Variants in FCRLA observed in about 807,000 individuals in gnomAD.
FCRLA encodes the protein Fc receptor-like A.
FCRLA carries 26 observed loss-of-function variants against 28.4 expected under a neutral mutation model. The ratio of observed to expected loss-of-function variants is 0.91; its 90% CI spans 0.67 to 1.27. FCRLA has a LOEUF of 1.27. Among genes scored for constraint, FCRLA ranks in the 50% most tolerant of loss-of-function variants. The pLI, the probability that FCRLA is intolerant of heterozygous loss-of-function variation, is 0.00. For missense variants in FCRLA, 422 were observed against 433.1 expected (o/e 0.97, Z 0.23); for synonymous variants, 174 against 168.5 (o/e 1.03, Z -0.25).
intron 1 of FCRLA, among the ~76,000 whole-genome samples, chr1:161,709,736 G>A (rs1311313882): frequency 6.6e-6 from 1 of 152,114 alleles, no homozygotes; most frequent in Admixed American, 6.5e-5. Context: ...TGGAGGAGGG[G>A]GAGAATAGTT....
chr1:161,711,591 G>C, intron 3 of FCRLA, 117 bp downstream of exon 3: 1 of 1,338,032 alleles, frequency 7.5e-7, no homozygotes. Context: ...GGAGCAGGTT[G>C]CTGGCAAATG....
chr1:161,710,662 TA>T, intron 1 of FCRLA, 97 bp from the exon 2 acceptor site: 1 of 1,527,290 alleles, frequency 6.5e-7, no homozygotes, highest in Admixed American at 1.7e-5. Flanking sequence ...AGTCTCATTC[TA>T]AAAAGGATGA....
chr1:161,711,864 T>C (rs1683117254), intron 3 of FCRLA, 70 bp from the exon 4 acceptor site: 1 of 1,509,576 alleles, frequency 6.6e-7, no homozygotes, highest in African/African-American at 1.4e-5. Context: ...TCCCCAAGTC[T>C]CTTCACCTGC....
In FCRLA at chr1:161,713,481, T is replaced by C; in HGVS notation, c.*101T>C. 1 of 969,966 alleles carries C rather than the reference T, an allele frequency of 1.0e-6. No homozygotes were observed. 60.1% of individuals were successfully genotyped at this position (969,966 alleles called of 1,614,324 possible). ...ACATATGCATAAGTACTTTTACAAG[T>C]TGTCCCAGTGTTTTGTTAGAATAAT... On this transcript the variant is annotated 3_prime_UTR_variant, in exon 5 of 5. Coordinates refer to ENST00000236938, the MANE Select transcript of FCRLA (RefSeq NM_032738.4).
chr1:161,711,529 G>A (rs1456135246), intron 3 of FCRLA, 55 bp downstream of exon 3: 4 of 1,554,708 alleles, frequency 2.6e-6, no homozygotes, highest in East Asian at 2.3e-5. Flanking sequence ...GAGACAGGGA[G>A]CCCAAATTGT....
At chr1:161,710,441 T>C in intron 1 of FCRLA, 2 of 1,548,822 alleles carry the variant, frequency 1.3e-6, no homozygotes, top group Non-Finnish European at 1.7e-6. Flanking sequence ...TGCTTCGAGT[T>C]ACCATTGTCT....
At position 161,713,718 on chromosome 1, in the gene FCRLA, A is replaced by G. The variant is rs960243373; in HGVS notation, c.*338A>G. On this transcript the variant is annotated 3_prime_UTR_variant, in exon 5 of 5. Transcript: ENST00000236938. ...GGGGCAATTTTGCCCCCCAGAGGAC[A>G]TTGGGCAATGTTTGGAGACATTTTG... 1 of 191,176 alleles carries G rather than the reference A, an allele frequency of 5.2e-6. No homozygotes were observed. The highest frequency in any genetic ancestry group is 1.2e-4 in the South Asian group (1 of 8,218). 11.8% of individuals were successfully genotyped at this position (191,176 alleles called of 1,614,324 possible). A position where few individuals can be genotyped will look rare whatever the true frequency, so the allele number is the denominator to read the frequency against.
At chr1:161,707,891 G>A (rs1003793209) in intron 1 of FCRLA, among the ~76,000 whole-genome samples, 2 of 152,036 alleles carry the variant, frequency 1.3e-5, no homozygotes, top group East Asian at 1.9e-4. Flanking sequence ...TCCCTTAATA[G>A]CTTCTCTTCT....
At chr1:161,711,633 C>T (rs2101659090) in intron 3 of FCRLA, 159 bp downstream of exon 3, 1 of 954,450 alleles carries the variant, frequency 1.0e-6, no homozygotes, top group Middle Eastern at 3.2e-4. Context: ...GACGAGACCT[C>T]AGCCTTTTGA....
chr1:161,710,395 C>A, intron 1 of FCRLA: 2 of 1,334,798 alleles, frequency 1.5e-6, no homozygotes, highest in African/African-American at 2.9e-5. Flanking sequence ...ACATTAGAAT[C>A]TGATGTCTCC....
rs756926636 is a variant in FCRLA at position 161,712,217 on chromosome 1, G to C, written c.783G>C (p.Gln261His). The C allele has an allele frequency of 2.5e-6, 4 of 1,610,300 alleles. No individual in the cohort carries two copies. Among genetic ancestry groups the C allele is most frequent in the African/African-American group, 2.7e-5 (2 of 74,864 alleles). Residue 261 changes from glutamine (Q) to histidine (H), a missense_variant and splice_region_variant, in exon 4 of 5, where the codon CAG becomes CAC. By Grantham distance (24) the Gln-to-His change is conservative. Around this residue, in one of 3 missense-constraint regions of FCRLA, gnomAD observed 185 missense variants for 198.1 expected, o/e 0.93. Transcript: ENST00000236938. ...GCCCCCAGCTAGAGATCAGAGTGCAGGGTGAGTTCGCATCAGAGTGCAGGT... is the reference window on the plus strand; with the variant it reads ...GCCCCCAGCTAGAGATCAGAGTGCACGGTGAGTTCGCATCAGAGTGCAGGT... ...KQSPQLEIRVQGASSSAAPPT... is the reference protein window; with the variant it reads ...KQSPQLEIRVHGASSSAAPPT...
chr1:161,710,728 T>A (rs61801161), intron 1 of FCRLA, 32 bp from the exon 2 acceptor site: 90,829 of 1,613,740 alleles, frequency 0.056, 2,728 homozygotes, highest in African/African-American at 0.066. Context: ...CATCATCATT[T>A]TCTGGTTCTC....
rs746570469 is a variant in FCRLA at position 161,710,711 on chromosome 1, C to G, written c.80-49C>G. On this transcript the variant is annotated intron_variant, in intron 1 of 4. Transcript: ENST00000236938. ...ATGGAGGAACCCTGTCCTCTTTCTC[C>G]AAGTTGCATCATCATTTTCTGGTTC... 1.9e-5 allele frequency: 31 copies of G among 1,611,236 alleles called. No individual in the cohort carries two copies. In the Middle Eastern group the frequency reaches 6.6e-4, roughly 34 times the overall value.
Position 161,713,240 on chromosome 1 carries a change from G to C in FCRLA, c.940G>C (p.Asp314His). 1 of 1,614,250 alleles carries C rather than the reference G, an allele frequency of 6.2e-7. No homozygotes were observed. Among genetic ancestry groups the C allele is most frequent in the Non-Finnish European group, 8.5e-7 (1 of 1,180,044 alleles). ...PGFSSPLGMP[D>H]PHLYHQMGLL... ...CTTTTCTTCTCCTCTGGGGATGCCA[G>C]ATCCTCATCTGTATCACCAGATGGG... Residue 314 changes from aspartate to histidine, a missense_variant, in exon 5 of 5, where the codon GAT becomes CAT. Physicochemically the swap from Asp to His is moderately conservative, Grantham distance 81. Around this residue, in one of 3 missense-constraint regions of FCRLA, gnomAD observed 185 missense variants for 198.1 expected, o/e 0.93. Transcript: ENST00000236938.
rs779408678 is a variant in FCRLA, at chr1:161,711,255, C to G, written c.280C>G (p.Leu94Val). ...AGCCAAGCCAGTTTTTGAAGGGGAC[C>G]TGCTGGTTCTGCGCTGCCAGGCCTG... is the stretch of plus-strand genomic sequence containing the variant. The part of the protein sequence containing the change: ...GPAKPVFEGD[L>V]LVLRCQAWQD... Residue 94 changes from leucine to valine, a missense_variant, in exon 3 of 5, where the codon CTG becomes GTG. By Grantham distance (32) the Leu-to-Val change is conservative. This residue lies in a region of FCRLA where 231 missense variants were observed against 214.6 expected (regional missense o/e 1.08). Transcript: ENST00000236938. 6.2e-7 allele frequency: 1 copy of G among 1,614,178 alleles called. No individual in the cohort carries two copies. The highest frequency in any genetic ancestry group is 8.5e-7 in the Non-Finnish European group (1 of 1,180,024).
rs376042352 is a variant in FCRLA, at chr1:161,711,262, T to C, written c.287T>C (p.Val96Ala). The change falls in exon 3 of 5, where the codon GTT becomes GCT. Residue 96 changes from valine (V) to alanine (A), a missense_variant. Val to Ala is a moderately conservative substitution (Grantham distance 64, BLOSUM62 0). Transcript: ENST00000236938. The stretch of plus-strand genomic sequence containing the variant: ...CCAGTTTTTGAAGGGGACCTGCTGG[T>C]TCTGCGCTGCCAGGCCTGGCAAGAC... ...AKPVFEGDLLVLRCQAWQDWP... is the reference protein window; with the variant it reads ...AKPVFEGDLLALRCQAWQDWP... 1.9e-6 allele frequency: 3 copies of C among 1,614,000 alleles called. No individual in the cohort carries two copies. The highest frequency in any genetic ancestry group is 2.2e-5 in the East Asian group (1 of 44,890).
At chr1:161,708,514 C>T (rs1032694765) in intron 1 of FCRLA, among the ~76,000 whole-genome samples, 3 of 152,152 alleles carry the variant, frequency 2.0e-5, no homozygotes, top group African/African-American at 7.2e-5. Flanking sequence ...GTTTACCAGC[C>T]CAAATTCTTT....
rs1158913620 is a variant in FCRLA, at chr1:161,712,228, C to G, written c.784+10C>G. 1.2e-6 allele frequency: 2 copies of G among 1,605,128 alleles called. No individual in the cohort carries two copies. Among genetic ancestry groups the G allele is most frequent in the South Asian group, 2.2e-5 (2 of 90,050 alleles). On this transcript the variant is annotated intron_variant, in intron 4 of 4. Transcript: ENST00000236938. ...GAGATCAGAGTGCAGGGTGAGTTCG[C>G]ATCAGAGTGCAGGTTGTCTGTTTGG...
intron 1 of FCRLA, 61 bp from the exon 2 acceptor site, chr1:161,710,699 G>A: frequency 6.3e-7 from 1 of 1,597,962 alleles, no homozygotes; most frequent in Non-Finnish European, 8.6e-7. Flanking sequence ...GAGGAACCCT[G>A]TCCTCTTTCT....
Sources: gnomAD v4.1 joint callset for allele counts (sites outside exome capture counted in the v4.1 genomes callset) on GRCh38, gnomAD v4.1.1 for gene constraint, gnomAD v4.1.1 regional missense constraint, MANE v1.5 for transcripts, NCBI Gene and HGNC (gene_info 2026-07-23, HGNC 2026-07-21) for gene names.